Variants in RBPJ observed in about 807,000 individuals in gnomAD.
RBPJ encodes the protein recombining binding protein suppressor of hairless.
RBPJ carries 9 observed loss-of-function variants against 67.8 expected under a neutral mutation model. The ratio of observed to expected loss-of-function variants is 0.13; its 90% confidence interval spans 0.08 to 0.23. The LOEUF is 0.23. Ranked by LOEUF, RBPJ falls within the 10% of genes least tolerant of loss-of-function variation. The pLI is 1.00. For missense variants in RBPJ, 305 were observed against 595.6 expected, an observed-to-expected ratio of 0.51 and a Z score of 5.08; for synonymous variants, 198 against 203.3, an observed-to-expected ratio of 0.97 and a Z score of 0.22.
chr4:26,320,565 C>G (rs2109319339), upstream of RBPJ: 1 of 547,680 alleles, frequency 1.8e-6, no homozygotes, highest in Non-Finnish European at 3.1e-6. Flanking sequence ...TGGAAAACAC[C>G]CATTGAGGAG....
intron 1 of RBPJ, among the ~76,000 whole-genome samples, chr4:26,181,132 C>T (rs548486916): frequency 9.4e-4 from 143 of 152,306 alleles, no homozygotes; most frequent in Middle Eastern, 3.4e-3. Context: ...ATAAATTACC[C>T]AGTCTCAGGT....
chr4:26,289,491 C>T (rs1721597395), intron 1 of RBPJ, among the ~76,000 whole-genome samples: 1 of 149,480 alleles, frequency 6.7e-6, no homozygotes, highest in Non-Finnish European at 1.5e-5. Flanking sequence ...TCAGATCTTT[C>T]TGGCAGCAGA....
At chr4:26,333,246 T>G (rs369955571) in intron 1 of RBPJ, among the ~76,000 whole-genome samples, 1 of 152,322 alleles carries the variant, frequency 6.6e-6, no homozygotes, top group African/African-American at 2.4e-5. Flanking sequence ...ACGATATATT[T>G]CTTAATTTAA....
intron 1 of RBPJ, 91 bp downstream of exon 1, chr4:26,321,139 C>T (rs1404557719): frequency 6.1e-6 from 6 of 979,346 alleles, no homozygotes; most frequent in Non-Finnish European, 8.9e-6. Flanking sequence ...GGCCGCGGCG[C>T]GCTTGGCGTT....
intron 1 of RBPJ, among the ~76,000 whole-genome samples, chr4:26,381,817 CAT>C (rs1428747637): frequency 6.6e-6 from 1 of 152,038 alleles, no homozygotes; most frequent in African/African-American, 2.4e-5. Context: ...AGCCCAGAAT[CAT>C]AACTTTTTTC....
intron 1 of RBPJ, among the ~76,000 whole-genome samples, chr4:26,228,697 A>G (rs1286058649): frequency 6.6e-6 from 1 of 152,246 alleles, no homozygotes; most frequent in African/African-American, 2.4e-5. Flanking sequence ...AATGCAAGGA[A>G]TTCTCCCGTA....
At chr4:26,294,089 TG>T (rs1463251751) in intron 1 of RBPJ, among the ~76,000 whole-genome samples, 1 of 150,822 alleles carries the variant, frequency 6.6e-6, no homozygotes, top group African/African-American at 2.4e-5. Context: ...TTTTTGTTTT[TG>T]TTTTTGTTTT....
At chr4:26,142,256 C>T in the RBPJ span, among the ~76,000 whole-genome samples, 47 of 152,254 alleles carry the variant, frequency 3.1e-4, no homozygotes, top group African/African-American at 9.9e-4. Flanking sequence ...CTGCAGAACA[C>T]GGAGTCTCCC....
chr4:26,114,173 T>C, the RBPJ span, among the ~76,000 whole-genome samples: 2 of 152,152 alleles, frequency 1.3e-5, no homozygotes, highest in East Asian at 1.9e-4. Context: ...TAAACATGTA[T>C]GTGGGCCTGG....
intron 1 of RBPJ, among the ~76,000 whole-genome samples, chr4:26,215,551 G>A (rs994831431): frequency 3.3e-5 from 5 of 152,106 alleles, no homozygotes; most frequent in Admixed American, 2.0e-4. Flanking sequence ...TTTGCTAAAC[G>A]ACTGAAATGT....
Position 26,430,156 on chromosome 4 carries a change from G to A in RBPJ, c.1044+103G>A, listed in dbSNP as rs758218459. The stretch of plus-strand genomic sequence containing the variant: ...TGGGAGTTTTGATTTTTCTCCAATC[G>A]TCTGATTAGGGGATTTTTATATACA... On this transcript the variant is annotated intron_variant, in intron 9 of 10. Coordinates refer to ENST00000355476, the MANE Select transcript of RBPJ (RefSeq NM_015874.6). The surrounding 1 kb of genome is among the most constrained non-coding windows in gnomAD (Gnocchi z 4.1). 72 of 1,327,648 alleles carry A rather than the reference G, an allele frequency of 5.4e-5. No individual in the cohort carries two copies. The highest frequency in any genetic ancestry group is 6.8e-5 in the Non-Finnish European group (63 of 929,382). 82.2% of individuals were successfully genotyped at this position (1,327,648 alleles called of 1,614,324 possible). A position where few individuals can be genotyped will look rare whatever the true frequency, so the allele number is the denominator to read the frequency against.
chr4:26,278,869 C>G (rs1027104405), intron 1 of RBPJ, among the ~76,000 whole-genome samples: 1 of 152,190 alleles, frequency 6.6e-6, no homozygotes, highest in Non-Finnish European at 1.5e-5. Flanking sequence ...TACATGATAT[C>G]TGGCAGGCAT....
At chr4:26,144,120 G>A in the RBPJ span, among the ~76,000 whole-genome samples, 1 of 152,076 alleles carries the variant, frequency 6.6e-6, no homozygotes, top group African/African-American at 2.4e-5. Flanking sequence ...AAGTTTTCAT[G>A]CAATTTGAAT....
At chr4:26,411,896 A>G (rs1227707976) in intron 3 of RBPJ, among the ~76,000 whole-genome samples, 8 of 151,522 alleles carry the variant, frequency 5.3e-5, no homozygotes, top group African/African-American at 1.9e-4. Context: ...TCACGAGGTC[A>G]GGAGATCGAG....
At position 26,425,607 on chromosome 4, in the gene RBPJ, TCAA is replaced by T. The variant is rs370954817; in HGVS notation, c.747+869_747+871del. ...CTGGGCAACAGAATGAGATCCTATC[TCAA>T]CAACCACAGAAAAGGAGATCTTGAA... is the stretch of plus-strand genomic sequence containing the variant. On this transcript the variant is annotated intron_variant, in intron 7 of 10. Transcript: ENST00000355476. 5.0e-3 allele frequency among the ~76,000 whole-genome samples: 758 copies of T among 152,254 alleles called. 9 individuals are homozygous for T. Among genetic ancestry groups the T allele is most frequent in the African/African-American group, 0.018 (736 of 41,538 alleles).
At chr4:26,347,302 C>A (rs1306187951) in intron 1 of RBPJ, among the ~76,000 whole-genome samples, 1 of 152,094 alleles carries the variant, frequency 6.6e-6, no homozygotes, top group Non-Finnish European at 1.5e-5. Context: ...CTAATTAGAA[C>A]CTTGGGAGTG....
At chr4:26,219,462 A>T (rs1024232528) in intron 1 of RBPJ, among the ~76,000 whole-genome samples, 1 of 152,214 alleles carries the variant, frequency 6.6e-6, no homozygotes, top group Non-Finnish European at 1.5e-5. Flanking sequence ...GGGTAGAGGG[A>T]TAAGAGTTCA....
At chr4:26,422,081 G>A (rs1735192878) in intron 5 of RBPJ, among the ~76,000 whole-genome samples, 1 of 152,064 alleles carries the variant, frequency 6.6e-6, no homozygotes, top group African/African-American at 2.4e-5. Context: ...TCTGGGTTTG[G>A]CTGATTATAT....
chr4:26,299,302 CT>C (rs1488704504), intron 1 of RBPJ, among the ~76,000 whole-genome samples: 1 of 152,170 alleles, frequency 6.6e-6, no homozygotes, highest in East Asian at 1.9e-4. Flanking sequence ...AAGAACACCC[CT>C]ATCTAGAAGA....
Sources: gnomAD v4.1 joint callset for allele counts (sites outside exome capture counted in the v4.1 genomes callset) on GRCh38, gnomAD v4.1.1 for gene constraint, Gnocchi (gnomAD v3.1) non-coding constraint, MANE v1.5 for transcripts, NCBI Gene and HGNC (gene_info 2026-07-23, HGNC 2026-07-21) for gene names.